Variants in DYNC2H1 observed in about 807,000 individuals in gnomAD.
DYNC2H1 encodes dynein cytoplasmic 2 heavy chain 1.
In DYNC2H1, 410 loss-of-function variants were observed where a neutral mutation model predicts 570.0. That is an observed-to-expected ratio of 0.72 (90% confidence interval 0.66 to 0.78). The LOEUF is 0.78. Ranked by LOEUF, DYNC2H1 falls within the 30% of genes least tolerant of loss-of-function variation. DYNC2H1 has a pLI of 0.00. For missense variants in DYNC2H1, 4,865 were observed against 5,046.4 expected (o/e 0.96, Z 1.09); for synonymous variants, 1,688 against 1,677.6 (o/e 1.01, Z -0.15).
intron 84 of DYNC2H1, among the ~76,000 whole-genome samples, chr11:103,416,884 G>A (rs1327693620): frequency 6.6e-6 from 1 of 152,048 alleles, no homozygotes; most frequent in Non-Finnish European, 1.5e-5. Context: ...CTACCCATCT[G>A]ACAAAAGGCT....
chr11:103,177,918 C>T lies in DYNC2H1; in HGVS notation c.6139+98C>T, dbSNP rs192319923. ...GTCTTTGTCAAGACTTCTACATGAC[C>T]ATAAAGTCATAATTAAGTTAAAATG... is the stretch of plus-strand genomic sequence containing the variant. On this transcript the variant is annotated intron_variant, in intron 38 of 88. Transcript: ENST00000375735. This position sits in a 1 kb window ranked among gnomAD's most constrained non-coding sequence, Gnocchi z 4.4. The T allele has an allele frequency of 3.8e-5, 49 of 1,300,862 alleles. No individual in the cohort carries two copies. The East Asian group carries it at 1.3e-3, about 35-fold the overall frequency. The allele number at this position is 1,300,862 out of a possible 1,614,324, so 80.6% of individuals were successfully genotyped here.
intron 15 of DYNC2H1, among the ~76,000 whole-genome samples, chr11:103,135,233 A>G (rs1859476213): frequency 6.6e-6 from 1 of 152,136 alleles, no homozygotes; most frequent in African/African-American, 2.4e-5. Flanking sequence ...TCCAAATATG[A>G]AAGTCATTTA....
At chr11:103,466,060 G>A (rs1240702478) in intron 87 of DYNC2H1, among the ~76,000 whole-genome samples, 1 of 152,048 alleles carries the variant, frequency 6.6e-6, no homozygotes, top group Admixed American at 6.6e-5. Context: ...AATGGCAGTT[G>A]AGACAGTATG....
chr11:103,263,451 ATAATTGGAAG>A (rs1865392840), intron 70 of DYNC2H1, among the ~76,000 whole-genome samples: 1 of 152,194 alleles, frequency 6.6e-6, no homozygotes, highest in African/African-American at 2.4e-5. Context: ...AATTGACCAC[ATAATTGGAAG>A]TAAAACACTC....
intron 74 of DYNC2H1, among the ~76,000 whole-genome samples, chr11:103,287,081 G>C (rs933003273): frequency 6.6e-6 from 1 of 152,180 alleles, no homozygotes. Flanking sequence ...ATTCGAGGCA[G>C]CAGTGAGATG....
At chr11:103,114,740 T>A (rs1282703473) in intron 3 of DYNC2H1, among the ~76,000 whole-genome samples, 1 of 152,206 alleles carries the variant, frequency 6.6e-6, no homozygotes, top group Admixed American at 6.5e-5. Context: ...ATAACCTTAT[T>A]ATTTTTTTTC....
intron 31 of DYNC2H1, among the ~76,000 whole-genome samples, chr11:103,166,412 T>C (rs2134946691): frequency 6.6e-6 from 1 of 152,312 alleles, no homozygotes; most frequent in South Asian, 2.1e-4. Context: ...CCTAGATGTT[T>C]ACCATTTGTT....
intron 83 of DYNC2H1, among the ~76,000 whole-genome samples, chr11:103,388,054 C>T (rs1437298072): frequency 6.6e-6 from 1 of 152,058 alleles, no homozygotes; most frequent in East Asian, 1.9e-4. Context: ...TCATTGGTAG[C>T]TTGATGGGGA....
intron 47 of DYNC2H1, among the ~76,000 whole-genome samples, chr11:103,193,509 A>G (rs1862398601): frequency 6.6e-6 from 1 of 151,816 alleles, no homozygotes; most frequent in Non-Finnish European, 1.5e-5. Flanking sequence ...TTTTCTCTTC[A>G]GTGAAAGGTT....
At position 103,222,878 on chromosome 11, in the gene DYNC2H1, A is replaced by C; in HGVS notation, c.9232-87A>C. 3 of 1,538,116 alleles carry C rather than the reference A, an allele frequency of 2.0e-6. No homozygotes were observed. In the East Asian group the frequency reaches 7.0e-5, roughly 36 times the overall value. The stretch of plus-strand genomic sequence containing the variant: ...CTACTTTATTTGGGTCAAGTTAATA[A>C]GTGCCCAAATAAAGTGTGTTAGAAT... On this transcript the variant is annotated intron_variant, in intron 58 of 88. Transcript: ENST00000375735.
intron 88 of DYNC2H1, among the ~76,000 whole-genome samples, chr11:103,470,720 C>G (rs1013514374): frequency 1.3e-5 from 2 of 152,194 alleles, no homozygotes; most frequent in Admixed American, 1.3e-4. Flanking sequence ...CCAGCTTCAT[C>G]CATGACCCTA....
At chr11:103,312,593 A>C (rs560406354) in intron 79 of DYNC2H1, among the ~76,000 whole-genome samples, 1 of 149,964 alleles carries the variant, frequency 6.7e-6, no homozygotes, top group African/African-American at 2.5e-5. Context: ...ATAAATAGCT[A>C]GGTTTACATA....
rs938321301 is a variant in DYNC2H1 at position 103,163,548 on chromosome 11, C to T, written c.4611+401C>T. Among the ~76,000 whole-genome samples, 4 of 152,246 alleles carry T rather than the reference C, an allele frequency of 2.6e-5. No individual in the cohort carries two copies. Among genetic ancestry groups the T allele is most frequent in the African/African-American group, 9.6e-5 (4 of 41,546 alleles). ...GTGTAAATCTGAAATAGTCATAACACTAAACTGTAATATTGACAGTGAGAG... is the reference window on the plus strand; with the variant it reads ...GTGTAAATCTGAAATAGTCATAACATTAAACTGTAATATTGACAGTGAGAG... On this transcript the variant is annotated intron_variant, in intron 30 of 88. Coordinates refer to ENST00000375735, the MANE Select transcript of DYNC2H1 (RefSeq NM_001377.3). This position sits in a 1 kb window ranked among gnomAD's most constrained non-coding sequence, Gnocchi z 4.6.
intron 17 of DYNC2H1, 85 bp downstream of exon 17, chr11:103,136,033 T>G (rs1217854736): frequency 8.9e-6 from 10 of 1,118,738 alleles, no homozygotes; most frequent in Non-Finnish European, 1.2e-5. Context: ...CATTAATAGT[T>G]TACCTTGTGT....
In DYNC2H1 at chr11:103,376,145, G is replaced by A. The variant is rs536366413; in HGVS notation, c.12156+17786G>A. Among the ~76,000 whole-genome samples, 14 of 152,296 alleles carry A rather than the reference G, an allele frequency of 9.2e-5. No individual in the cohort carries two copies. The South Asian group carries it at 2.3e-3, about 25-fold the overall frequency. On this transcript the variant is annotated intron_variant, in intron 83 of 88. Coordinates refer to ENST00000375735, the MANE Select transcript of DYNC2H1 (RefSeq NM_001377.3). ...GCTGGCACTCATTCTCTCTCCTGCT[G>A]TCCTGTGAAGAGGTGCCTTCGGCCA... is the stretch of plus-strand genomic sequence containing the variant.
At chr11:103,320,716 C>G (rs965849759) in intron 80 of DYNC2H1, among the ~76,000 whole-genome samples, 1 of 152,066 alleles carries the variant, frequency 6.6e-6, no homozygotes, top group Non-Finnish European at 1.5e-5. Flanking sequence ...TTCAGATCTT[C>G]GAGATTGTAT....
chr11:103,260,983 G>A (rs1865258698), intron 70 of DYNC2H1, among the ~76,000 whole-genome samples: 1 of 151,790 alleles, frequency 6.6e-6, no homozygotes, highest in Admixed American at 6.6e-5. Flanking sequence ...TTGCAGAATA[G>A]CTTTGTAAAG....
intron 36 of DYNC2H1, among the ~76,000 whole-genome samples, chr11:103,175,614 G>GTT (rs1233195760): frequency 8.5e-5 from 13 of 152,162 alleles, no homozygotes; most frequent in Non-Finnish European, 1.8e-4. Flanking sequence ...TCTGGCAGTG[G>GTT]TATCAGTATT....
At chr11:103,462,536 T>C (rs538774415) in intron 87 of DYNC2H1, among the ~76,000 whole-genome samples, 1 of 152,348 alleles carries the variant, frequency 6.6e-6, no homozygotes, top group East Asian at 1.9e-4. Context: ...ATTTTTCTAA[T>C]TTTGTTATTC....
Sources: gnomAD v4.1 joint callset for allele counts (sites outside exome capture counted in the v4.1 genomes callset) on GRCh38, gnomAD v4.1.1 for gene constraint, Gnocchi (gnomAD v3.1) non-coding constraint, MANE v1.5 for transcripts, NCBI Gene and HGNC (gene_info 2026-07-23, HGNC 2026-07-21) for gene names.